Variants in BICC1 observed in about 807,000 individuals in gnomAD.
BICC1 encodes BicC family RNA binding protein 1.
Under a neutral mutation model 111.0 loss-of-function variants are expected in BICC1, and 43 were observed. The ratio of observed to expected loss-of-function variants is 0.39; its 90% confidence interval spans 0.30 to 0.50. The LOEUF (loss-of-function observed/expected upper bound fraction) is 0.50, where lower values mean the gene tolerates loss of function less well. BICC1 is among the 20% of genes least tolerant of loss of function. The probability of loss-of-function intolerance (pLI) is 0.88; values close to 1 mark genes in which losing one functional copy is unlikely to be tolerated. For missense variants in BICC1, 1,091 were observed against 1,203.2 expected (o/e 0.91, Z 1.38); for synonymous variants, 467 against 434.4 (o/e 1.07, Z -0.93).
intron 3 of BICC1, among the ~76,000 whole-genome samples, chr10:58,708,486 G>C (rs963479468): frequency 6.6e-6 from 1 of 152,130 alleles, no homozygotes; most frequent in Non-Finnish European, 1.5e-5. Flanking sequence ...GGTTTAATAG[G>C]CAAAAGAAAG....
chr10:58,558,223 A>G (rs1447898835), intron 1 of BICC1, among the ~76,000 whole-genome samples: 1 of 152,106 alleles, frequency 6.6e-6, no homozygotes, highest in Admixed American at 6.6e-5. Flanking sequence ...GTTTACTCAT[A>G]TGCATGGGTT....
intron 3 of BICC1, among the ~76,000 whole-genome samples, chr10:58,725,418 A>C (rs1692712637): frequency 6.6e-6 from 1 of 152,086 alleles, no homozygotes; most frequent in African/African-American, 2.4e-5. Context: ...CTCTGTCTTG[A>C]CTGTGGTCCT....
rs962701143 is a variant in BICC1, at chr10:58,646,249, A to G, written c.237+25348A>G. 2.0e-5 allele frequency among the ~76,000 whole-genome samples: 3 copies of G among 152,222 alleles called. No homozygotes were observed. The East Asian group carries it at 5.8e-4, about 29-fold the overall frequency. On this transcript the variant is annotated intron_variant, in intron 2 of 20. Transcript: ENST00000373886. ...TTTGAAGGCTAACAGTTTAAAAGTC[A>G]GCATCTTTTAAATGCGTTGATCATA...
At chr10:58,765,898 G>T (rs952426244) in intron 3 of BICC1, among the ~76,000 whole-genome samples, 2 of 152,212 alleles carry the variant, frequency 1.3e-5, no homozygotes, top group African/African-American at 4.8e-5. Context: ...GTGTTACAGG[G>T]AGGGGTAGAT....
Position 58,820,417 on chromosome 10 carries a change from C to G in BICC1, c.2743C>G (p.Leu915Val). 6.2e-7 allele frequency: 1 copy of G among 1,612,038 alleles called. No individual in the cohort carries two copies. Among genetic ancestry groups the G allele is most frequent in the South Asian group, 1.1e-5 (1 of 91,028 alleles). Residue 915 changes from leucine (L) to valine (V), a missense_variant, in exon 20 of 21, where the codon CTG (leucine) becomes GTG (valine). This residue lies in a region of BICC1 where 231 missense variants were observed against 256.2 expected (regional missense o/e 0.90). Coordinates refer to ENST00000373886, the MANE Select transcript of BICC1 (RefSeq NM_001080512.3). The stretch of plus-strand genomic sequence containing the variant: ...TCTCACAGATCAGGATCTGAAGGAG[C>G]TGGGAATAACTACTTTTGGTGCCAG... The part of the protein sequence containing the change: ...LTLTDQDLKE[L>V]GITTFGARRK...
intron 3 of BICC1, among the ~76,000 whole-genome samples, chr10:58,781,215 A>T (rs536712745): frequency 1.3e-5 from 2 of 152,308 alleles, no homozygotes; most frequent in East Asian, 1.9e-4. Flanking sequence ...CTAAGATCAG[A>T]ATATTTGAAC....
chr10:58,712,092 A>G (rs1350794538), intron 3 of BICC1, among the ~76,000 whole-genome samples: 1 of 152,224 alleles, frequency 6.6e-6, no homozygotes, highest in African/African-American at 2.4e-5. Flanking sequence ...GCAAATAAGC[A>G]TGTGAAAAGA....
intron 3 of BICC1, among the ~76,000 whole-genome samples, chr10:58,733,830 ATAGTAGT>A (rs1841390619): frequency 6.6e-6 from 1 of 152,166 alleles, no homozygotes. Context: ...CTAGTATAGG[ATAGTAGT>A]TAGGAGCATG....
chr10:58,673,206 A>G (rs1358785840), intron 2 of BICC1, among the ~76,000 whole-genome samples: 2 of 152,136 alleles, frequency 1.3e-5, no homozygotes, highest in East Asian at 1.9e-4. Flanking sequence ...TTTTTTTCCT[A>G]TATCAGGAAG....
intron 2 of BICC1, among the ~76,000 whole-genome samples, chr10:58,675,884 G>C (rs1839322870): frequency 1.3e-5 from 2 of 152,250 alleles, no homozygotes; most frequent in African/African-American, 4.8e-5. Flanking sequence ...GCAGCTCCCA[G>C]AGAGACTAAC....
chr10:58,608,296 G>A (rs1183307266), intron 1 of BICC1, among the ~76,000 whole-genome samples: 4 of 152,092 alleles, frequency 2.6e-5, no homozygotes, highest in East Asian at 1.9e-4. Context: ...GAAAGTGTTC[G>A]CCAGCTTACG....
chr10:58,535,948 C>T (rs941025545), intron 1 of BICC1, among the ~76,000 whole-genome samples: 2 of 148,412 alleles, frequency 1.3e-5, no homozygotes, highest in African/African-American at 2.5e-5. Context: ...ATAAAACAGA[C>T]ATTAAGGCAA....
At chr10:58,702,423 A>T (rs766136828) in intron 3 of BICC1, among the ~76,000 whole-genome samples, 1 of 152,204 alleles carries the variant, frequency 6.6e-6, no homozygotes, top group East Asian at 1.9e-4. Flanking sequence ...TCCATGAGTC[A>T]TGGTAACTCT....
chr10:58,541,532 A>G (rs1842982036), intron 1 of BICC1, among the ~76,000 whole-genome samples: 1 of 152,118 alleles, frequency 6.6e-6, no homozygotes, highest in African/African-American at 2.4e-5. Flanking sequence ...AAACTACAAA[A>G]CATTGCAGAA....
intron 1 of BICC1, among the ~76,000 whole-genome samples, chr10:58,543,049 A>G (rs1367530292): frequency 1.3e-5 from 2 of 152,138 alleles, no homozygotes; most frequent in African/African-American, 4.8e-5. Context: ...ACAGGACCCC[A>G]TGGAGATATG....
At chr10:58,797,641 A>T (rs140780153) in intron 10 of BICC1, among the ~76,000 whole-genome samples, 2 of 152,322 alleles carry the variant, frequency 1.3e-5, no homozygotes, top group East Asian at 3.9e-4. Flanking sequence ...AAGATTCACT[A>T]ACTGAATTTT....
At chr10:58,705,149 G>A (rs972727350) in intron 3 of BICC1, among the ~76,000 whole-genome samples, 12 of 152,190 alleles carry the variant, frequency 7.9e-5, no homozygotes, top group Admixed American at 7.2e-4. Context: ...TGTTGGCTTA[G>A]TAGTTCTGAG....
intron 1 of BICC1, among the ~76,000 whole-genome samples, chr10:58,574,176 T>C (rs934613342): frequency 4.6e-5 from 7 of 152,200 alleles, no homozygotes; most frequent in African/African-American, 1.7e-4. Context: ...ACATGCACTG[T>C]GCTGAAGTGT....
chr10:58,789,476 C>G lies in BICC1; in HGVS notation c.795+20C>G, dbSNP rs780941790. ...GTGAAGGTAAATTATTCAGATAATT[C>G]TGCACATCCTATATGTACAAGTTAC... On this transcript the variant is annotated intron_variant, in intron 7 of 20. Coordinates refer to ENST00000373886, the MANE Select transcript of BICC1 (RefSeq NM_001080512.3). 2.5e-6 allele frequency: 4 copies of G among 1,587,960 alleles called. No individual in the cohort carries two copies. Among genetic ancestry groups the G allele is most frequent in the South Asian group, 2.2e-5 (2 of 89,034 alleles).
Sources: allele counts gnomAD v4.1 joint callset (sites outside exome capture counted in the v4.1 genomes callset), GRCh38; gene constraint gnomAD v4.1.1; regional missense constraint gnomAD v4.1.1; transcripts MANE v1.5; gene names NCBI Gene and HGNC (gene_info 2026-07-23, HGNC 2026-07-21).